Variants in UGT1A5 observed in about 807,000 individuals in gnomAD.
UGT1A5 encodes UDP-glucuronosyltransferase 1A5.
Under a neutral mutation model 40.3 loss-of-function variants are expected in UGT1A5, and 29 were observed. That is an observed-to-expected ratio of 0.72 (90% CI 0.54 to 0.98). The LOEUF is 0.98. UGT1A5 is among the 50% of genes least tolerant of loss of function. The pLI, the probability that UGT1A5 is intolerant of heterozygous loss-of-function variation, is 0.00. For missense variants in UGT1A5, 678 were observed against 677.9 expected (o/e 1.00, Z 0.00); for synonymous variants, 257 against 262.5 (o/e 0.98, Z 0.20).
chr2:233,748,845 C>A (rs936990961), intron 1 of UGT1A5, among the ~76,000 whole-genome samples: 1 of 151,120 alleles, frequency 6.6e-6, no homozygotes, highest in South Asian at 2.1e-4. Context: ...AAACTGTGAG[C>A]GTATAAGCCC....
At chr2:233,752,307 G>C (rs1030795011) in intron 1 of UGT1A5, 2 of 152,160 alleles carry the variant, frequency 1.3e-5, no homozygotes, top group African/African-American at 4.8e-5. Context: ...TTCCTTGCCC[G>C]GTGTGCTTGG....
intron 1 of UGT1A5, among the ~76,000 whole-genome samples, chr2:233,745,694 GAAC>G (rs1198123453): frequency 1.3e-5 from 2 of 150,076 alleles, no homozygotes; most frequent in African/African-American, 2.5e-5. Flanking sequence ...CAAGTTTGGA[GAAC>G]AACAAGTGAT....
rs3064744 is a variant in UGT1A5, at chr2:233,760,233, C to CAT, written c.868-6787_868-6786dup. 448,036 of 1,466,600 alleles carry CAT rather than the reference C, an allele frequency of 0.31. 31,217 individuals are homozygous for CAT. The highest frequency in any genetic ancestry group is 0.38 in the African/African-American group (27,001 of 71,942). The allele number at this position is 1,466,600 out of a possible 1,614,324, so 90.8% of individuals were successfully genotyped here. ...ACTTGGTGTATCGATTGGTTTTTGC[C>CAT]ATATATATATATATAAGTAGGAGAG... On this transcript the variant is annotated intron_variant, in intron 1 of 4. Coordinates refer to ENST00000373414, the MANE Select transcript of UGT1A5 (RefSeq NM_019078.2).
intron 1 of UGT1A5, among the ~76,000 whole-genome samples, chr2:233,766,030 T>C (rs1699031602): frequency 6.6e-6 from 1 of 152,104 alleles, no homozygotes; most frequent in Non-Finnish European, 1.5e-5. Context: ...AGTTTTGCCC[T>C]CTATAGTCAG....
chr2:233,734,271 G>A (rs1203076441), intron 1 of UGT1A5, among the ~76,000 whole-genome samples: 2 of 152,098 alleles, frequency 1.3e-5, no homozygotes, highest in Admixed American at 1.3e-4. Context: ...ATGTGTCCAG[G>A]AATTTATCCA....
chr2:233,749,719 G>C (rs1207301331), intron 1 of UGT1A5, among the ~76,000 whole-genome samples: 2 of 151,972 alleles, frequency 1.3e-5, no homozygotes, highest in East Asian at 3.9e-4. Context: ...CATGGGGGCA[G>C]TTTCGCACCT....
At chr2:233,760,448 GA>G in intron 1 of UGT1A5, 1 of 1,614,238 alleles carries the variant, frequency 6.2e-7, no homozygotes, top group East Asian at 2.2e-5. Context: ...CAGCAGAGGG[GA>G]CATGAAATAG....
At chr2:233,743,378 C>G (rs1480279341) in intron 1 of UGT1A5, 1 of 1,169,844 alleles carries the variant, frequency 8.5e-7, no homozygotes, top group Non-Finnish European at 1.2e-6. Flanking sequence ...CCATCACTAC[C>G]GTAGGACATG....
At chr2:233,733,201 A>T (rs1269937689) in intron 1 of UGT1A5, among the ~76,000 whole-genome samples, 1 of 152,122 alleles carries the variant, frequency 6.6e-6, no homozygotes, top group Non-Finnish European at 1.5e-5. Flanking sequence ...GCTTAAGGAG[A>T]CTTTGGGCTG....
At position 233,713,260 on chromosome 2, in the gene UGT1A5, A is replaced by G. The variant is rs2076298929; in HGVS notation, c.269A>G (p.Asp90Gly). 4 of 1,614,086 alleles carry G rather than the reference A, an allele frequency of 2.5e-6. No homozygotes were observed. The highest frequency in any genetic ancestry group is 2.5e-6 in the Non-Finnish European group (3 of 1,180,044). ...ATTTCATGGACCCAGGACGAATTTG[A>G]TCGCCTTTTGCTGGGTCACACTCAA... ...YAISWTQDEF[D>G]RLLLGHTQSF... is the part of the protein sequence containing the mutation. The change falls in exon 1 of 5, where the codon GAT (aspartate) becomes GGT (glycine). Residue 90 changes from aspartate (D) to glycine (G), a missense_variant. Transcript: ENST00000373414.
At chr2:233,716,982 C>T (rs1450742007) in intron 1 of UGT1A5, among the ~76,000 whole-genome samples, 2 of 152,212 alleles carry the variant, frequency 1.3e-5, no homozygotes. Context: ...TCCCCACAGT[C>T]CTGCTGTCCT....
intron 1 of UGT1A5, among the ~76,000 whole-genome samples, chr2:233,714,661 A>G (rs2076404263): frequency 6.6e-6 from 1 of 152,228 alleles, no homozygotes; most frequent in African/African-American, 2.4e-5. Context: ...TTATTTAACC[A>G]GATGTATCCC....
At chr2:233,719,708 C>T in intron 1 of UGT1A5, 1 of 1,613,968 alleles carries the variant, frequency 6.2e-7, no homozygotes, top group Non-Finnish European at 8.5e-7. Flanking sequence ...GTGCCTTCAT[C>T]CAATCAATGT....
chr2:233,743,842 C>T (rs1312488571), intron 1 of UGT1A5: 2 of 1,367,178 alleles, frequency 1.5e-6, no homozygotes, highest in Admixed American at 3.8e-5. Flanking sequence ...TGAGCGCCAG[C>T]TTGCGGTACG....
At chr2:233,768,580 T>TTA in intron 4 of UGT1A5, 141 bp downstream of exon 4, 2 of 1,335,112 alleles carry the variant, frequency 1.5e-6, no homozygotes, top group Non-Finnish European at 1.9e-6. Context: ...TTTTTATTTC[T>TTA]TCTTTTTTTT....
At chr2:233,771,544 A>C (rs1300566643) in intron 4 of UGT1A5, 1 of 152,264 alleles carries the variant, frequency 6.6e-6, no homozygotes, top group Non-Finnish European at 1.5e-5. Flanking sequence ...GGCACTTACA[A>C]ATGGCTGTTA....
intron 1 of UGT1A5, chr2:233,721,920 A>G: frequency 2.5e-6 from 1 of 407,420 alleles, no homozygotes; most frequent in South Asian, 1.9e-5. Context: ...TGCTTCCATA[A>G]AGTGACATCC....
chr2:233,738,612 A>G (rs1461188273), intron 1 of UGT1A5, among the ~76,000 whole-genome samples: 3 of 152,202 alleles, frequency 2.0e-5, no homozygotes, highest in African/African-American at 7.2e-5. Context: ...TAGCAAAGAA[A>G]CTCGTGGCAT....
rs1407521990 is a variant in UGT1A5 at position 233,743,186 on chromosome 2, A to T, written c.868-23848A>T. On this transcript the variant is annotated intron_variant, in intron 1 of 4. Coordinates refer to ENST00000373414, the MANE Select transcript of UGT1A5 (RefSeq NM_019078.2). ...GTGCTTAAAGTCAAATGTGGACTGG[A>T]ATTACTTGGTGTCAATGCGGAGTAA... 4.3e-5 allele frequency: 16 copies of T among 372,810 alleles called. No individual in the cohort carries two copies. The East Asian group carries it at 1.2e-3, about 27-fold the overall frequency. The allele number at this position is 372,810 out of a possible 1,614,324, so 23.1% of individuals were successfully genotyped here.
Sources: gnomAD v4.1 joint callset for allele counts (sites outside exome capture counted in the v4.1 genomes callset) on GRCh38, gnomAD v4.1.1 for gene constraint, MANE v1.5 for transcripts, NCBI Gene and HGNC (gene_info 2026-07-23, HGNC 2026-07-21) for gene names.